UNC13D: variants seen among roughly 807,000 people sequenced by gnomAD.
The protein encoded by UNC13D is unc-13 homolog D.
In UNC13D, 115 loss-of-function variants were observed where a neutral mutation model predicts 151.7. The observed-to-expected ratio is 0.76, with a 90% confidence interval of 0.65 to 0.88. The LOEUF (loss-of-function observed/expected upper bound fraction) is 0.88. Ranked by LOEUF, UNC13D falls within the 40% of genes least tolerant of loss-of-function variation. The pLI is 0.00. For synonymous variants in UNC13D, 588 were observed against 612.2 expected (o/e 0.96, Z 0.58); for missense variants, 1,369 against 1,438.7 (o/e 0.95, Z 0.78).
chr17:75,841,215 A>C, intron 6 of UNC13D: 1 of 530,940 alleles, frequency 1.9e-6, no homozygotes. Flanking sequence ...GCAGGATCTA[A>C]CTCACTGCAA....
In UNC13D at chr17:75,844,363, C is replaced by CCGCT; in HGVS notation, c.-30_-27dup. On this transcript the variant is annotated 5_prime_UTR_variant, in exon 1 of 32. Transcript: ENST00000207549. The stretch of plus-strand genomic sequence containing the variant: ...GGTGGCCTTCTCTGCCCTTCCCTGT[C>CCGCT]CGCTGGTGCTGGGTGAAGACAGCGA... 1 of 1,593,120 alleles carries CCGCT rather than the reference C, an allele frequency of 6.3e-7. No individual in the cohort carries two copies. Among genetic ancestry groups the CCGCT allele is most frequent in the Non-Finnish European group, 8.5e-7 (1 of 1,170,702 alleles).
rs1435948989 is a variant in UNC13D, at chr17:75,828,791, G to A, written c.3147C>T (p.Pro1049=). The change falls in exon 31 of 32, where the codon CCC becomes CCT. Residue 1049 remains proline, a synonymous_variant. Transcript: ENST00000207549. ...QTRLPLTYPA[P]NGDPILQLLE... The stretch of plus-strand genomic sequence containing the variant: ...CTGCCCTGGGCTCAGGCCTACCGTT[G>A]GGTGCGGGGTACGTGAGGGGCAGGC... 1 of 1,540,202 alleles carries A rather than the reference G, an allele frequency of 6.5e-7. No homozygotes were observed. Among genetic ancestry groups the A allele is most frequent in the Non-Finnish European group, 8.7e-7 (1 of 1,143,244 alleles).
In UNC13D at chr17:75,836,604, C is replaced by A. The variant is rs749317896; in HGVS notation, c.1266G>T (p.Ser422=). The stretch of plus-strand genomic sequence containing the variant: ...GAGACTGCAGCCGGGCTGGGGAGTC[C>A]GAGACAGAGAGGGGGAAGACAGAGC... ...RFRSVFPLSV[S]DSPARLQSLL... is the part of the protein sequence containing the mutation. The change falls in exon 14 of 32, where the codon TCG becomes TCT. Residue 422 remains serine (S), a synonymous_variant. Transcript: ENST00000207549. The A allele has an allele frequency of 6.2e-7, 1 of 1,613,592 alleles. No individual in the cohort carries two copies. The highest frequency in any genetic ancestry group is 8.5e-7 in the Non-Finnish European group (1 of 1,180,014).
Position 75,842,065 on chromosome 17 carries a change from G to C in UNC13D, c.569+368C>G, listed in dbSNP as rs536012035. Among the ~76,000 whole-genome samples the C allele has an allele frequency of 2.6e-5, 4 of 152,162 alleles. No homozygotes were observed. The South Asian group carries it at 8.3e-4, about 32-fold the overall frequency. Reference sequence around the variant, plus strand: ...CCCGGCCTTTTTTGTATTTTTAGTAGAGATGGGGTTTTGCCATGTTGGCCA... The same window carrying C: ...CCCGGCCTTTTTTGTATTTTTAGTACAGATGGGGTTTTGCCATGTTGGCCA... On this transcript the variant is annotated intron_variant, in intron 6 of 31. Transcript: ENST00000207549.
At position 75,835,473 on chromosome 17, in the gene UNC13D, G is replaced by A. The variant is rs745649931; in HGVS notation, c.1784C>T (p.Ser595Phe). Residue 595 changes from serine (S) to phenylalanine (F), a missense_variant, in exon 20 of 32, where the codon TCC (serine) becomes TTC (phenylalanine). Ser to Phe is a radical substitution (Grantham distance 155). This residue lies in a region of UNC13D where 807 missense variants were observed against 795.5 expected (regional missense o/e 1.01). Coordinates refer to ENST00000207549, the MANE Select transcript of UNC13D (RefSeq NM_199242.3). ...CTCGTTGTACGTCTTCTGCAGCCAGGAGGGGATGGCCGGCTGGAACCAGCG... is the reference window on the plus strand; with the variant it reads ...CTCGTTGTACGTCTTCTGCAGCCAGAAGGGGATGGCCGGCTGGAACCAGCG... The part of the protein sequence containing the change: ...FHRWFQPAIP[S>F]WLQKTYNEAL... The A allele has an allele frequency of 5.6e-6, 9 of 1,612,706 alleles. No homozygotes were observed. Among genetic ancestry groups the A allele is most frequent in the Non-Finnish European group, 7.6e-6 (9 of 1,179,606 alleles).
chr17:75,832,675 A>G lies in UNC13D; in HGVS notation c.2447+291T>C. On this transcript the variant is annotated intron_variant, in intron 25 of 31. Coordinates refer to ENST00000207549, the MANE Select transcript of UNC13D (RefSeq NM_199242.3). This position sits in a 1 kb window ranked among gnomAD's most constrained non-coding sequence, Gnocchi z 4.3. ...GAACTCAAAGCACTCAGAGCTAGGC[A>G]GCAGGAAATGGGGAGGCCTGAGAAG... The G allele has an allele frequency of 2.7e-6, 1 of 369,214 alleles. No homozygotes were observed. The highest frequency in any genetic ancestry group is 3.0e-5 in the South Asian group (1 of 33,176). The allele number at this position is 369,214 out of a possible 1,614,324, so 22.9% of individuals were successfully genotyped here.
chr17:75,830,436 G>A lies in UNC13D; in HGVS notation c.2756C>T (p.Ser919Phe), dbSNP rs748410297. ...EELGAVTVKA[S>F]YRASEQKLRV... ...CAGCTTCTGCTCAGAGGCGCGGTAG[G>A]AGGCCTTGACTGTCACAGCCCCCAG... Residue 919 changes from serine (S) to phenylalanine (F), a missense_variant, in exon 29 of 32, where the codon TCC (serine) becomes TTC (phenylalanine). This residue lies in a region of UNC13D where 807 missense variants were observed against 795.5 expected (regional missense o/e 1.01). Transcript: ENST00000207549. 7.6e-6 allele frequency: 12 copies of A among 1,586,210 alleles called. No individual in the cohort carries two copies. The East Asian group carries it at 1.8e-4, about 24-fold the overall frequency.
Position 75,830,630 on chromosome 17 carries a change from G to A in UNC13D, c.2657C>T (p.Ala886Val), listed in dbSNP as rs2064865405. The A allele has an allele frequency of 6.4e-7, 1 of 1,555,940 alleles. No homozygotes were observed. Among genetic ancestry groups the A allele is most frequent in the Non-Finnish European group, 8.7e-7 (1 of 1,150,108 alleles). Reference protein sequence around the residue: ...ALQRDLELQAASSRELIRKYF... With the variant: ...ALQRDLELQAVSSRELIRKYF... Reference sequence around the variant, plus strand: ...CTTCCGGATGAGTTCCCGGCTGGAGGCCGCCTGCAGCTCCAGGTCCCTCTG... The same window carrying A: ...CTTCCGGATGAGTTCCCGGCTGGAGACCGCCTGCAGCTCCAGGTCCCTCTG... The change falls in exon 28 of 32, where the codon GCC becomes GTC. Residue 886 changes from alanine (A) to valine (V), a missense_variant. Physicochemically the swap from Ala to Val is moderately conservative, Grantham distance 64. Transcript: ENST00000207549.
chr17:75,840,167 C>T lies in UNC13D; in HGVS notation c.859-57G>A. 1 of 1,611,872 alleles carries T rather than the reference C, an allele frequency of 6.2e-7. No homozygotes were observed. The highest frequency in any genetic ancestry group is 8.5e-7 in the Non-Finnish European group (1 of 1,178,868). On this transcript the variant is annotated intron_variant, in intron 10 of 31. Coordinates refer to ENST00000207549, the MANE Select transcript of UNC13D (RefSeq NM_199242.3). The surrounding 1 kb of genome is among the most constrained non-coding windows in gnomAD (Gnocchi z 4.6). ...CTCACACTGGGTGCAGCCAGCCCCG[C>T]AACCCAGCAGACCGCCGCAAGAGCT...
chr17:75,840,613 A>G lies in UNC13D; in HGVS notation c.684-37T>C. 3.1e-6 allele frequency: 5 copies of G among 1,613,690 alleles called. No homozygotes were observed. The highest frequency in any genetic ancestry group is 4.2e-6 in the Non-Finnish European group (5 of 1,179,826). On this transcript the variant is annotated intron_variant, in intron 8 of 31. Transcript: ENST00000207549. The surrounding 1 kb of genome is among the most constrained non-coding windows in gnomAD (Gnocchi z 4.6). Reference sequence around the variant, plus strand: ...AGGGTCCCATAAGGGGGACGCAGCAAGGGTCGGAAGGGATTAGGCTGGAAT... The same window carrying G: ...AGGGTCCCATAAGGGGGACGCAGCAGGGGTCGGAAGGGATTAGGCTGGAAT...
In UNC13D at chr17:75,827,506, G is replaced by A. The variant is rs2143857159; in HGVS notation, c.*459C>T. 1 of 1,527,218 alleles carries A rather than the reference G, an allele frequency of 6.5e-7. No individual in the cohort carries two copies. The allele number at this position is 1,527,218 out of a possible 1,614,324, so 94.6% of individuals were successfully genotyped here. A position where few individuals can be genotyped will look rare whatever the true frequency, so the allele number is the denominator to read the frequency against. Reference sequence around the variant, plus strand: ...CACCACCCTCCCCCCAGGGCAGCTGGAGCCTCATCTTTGGCAGGGTCCCCT... The same window carrying A: ...CACCACCCTCCCCCCAGGGCAGCTGAAGCCTCATCTTTGGCAGGGTCCCCT... On this transcript the variant is annotated 3_prime_UTR_variant, in exon 32 of 32. Transcript: ENST00000207549.
intron 12 of UNC13D, among the ~76,000 whole-genome samples, chr17:75,838,848 C>T (rs1438432287): frequency 6.6e-6 from 1 of 152,222 alleles, no homozygotes; most frequent in African/African-American, 2.4e-5. Flanking sequence ...CGCCTATAAT[C>T]CCAGCACTTT....
chr17:75,839,444 C>A (rs575905775), intron 12 of UNC13D, among the ~76,000 whole-genome samples: 2 of 151,136 alleles, frequency 1.3e-5, no homozygotes, highest in African/African-American at 2.4e-5. Flanking sequence ...GATGACCCTG[C>A]AGTTCCAGCA....
Position 75,841,020 on chromosome 17 carries a change from G to T in UNC13D, c.570-19C>A. ...AAACTCCCTGTATGGAGAAAAGGGCGTGGTTGAGGGCCCTGGAGGGTGGAT... is the reference window on the plus strand; with the variant it reads ...AAACTCCCTGTATGGAGAAAAGGGCTTGGTTGAGGGCCCTGGAGGGTGGAT... On this transcript the variant is annotated intron_variant, in intron 6 of 31. Transcript: ENST00000207549. 6.2e-7 allele frequency: 1 copy of T among 1,614,022 alleles called. No homozygotes were observed. Among genetic ancestry groups the T allele is most frequent in the Non-Finnish European group, 8.5e-7 (1 of 1,180,010 alleles).
At chr17:75,842,963 C>T (rs1268901789) in intron 4 of UNC13D, 40 bp from the exon 5 acceptor site, 2 of 1,612,994 alleles carry the variant, frequency 1.2e-6, no homozygotes, top group Non-Finnish European at 1.7e-6. Context: ...CCTGAGGGGG[C>T]TGGGCTTCCC....
At chr17:75,843,754 G>A in intron 1 of UNC13D, 12 of 1,419,330 alleles carry the variant, frequency 8.5e-6, no homozygotes, top group Non-Finnish European at 1.0e-5. Context: ...CTCCGCACCC[G>A]CACCCCACCT....
At position 75,843,082 on chromosome 17, in the gene UNC13D, G is replaced by A. The variant is rs1002403982; in HGVS notation, c.262-9C>T. ...GGCTCCACGTGGAAGGCCTGGTGGG[G>A]AGGCAGGCGGGTGGGTGGCTGGGGG... On this transcript the variant is annotated splice_polypyrimidine_tract_variant and intron_variant, in intron 3 of 31. Coordinates refer to ENST00000207549, the MANE Select transcript of UNC13D (RefSeq NM_199242.3). 6.2e-7 allele frequency: 1 copy of A among 1,602,528 alleles called. No homozygotes were observed. Among genetic ancestry groups the A allele is most frequent in the African/African-American group, 1.3e-5 (1 of 74,538 alleles).
chr17:75,834,897 A>C (rs965661031), intron 21 of UNC13D, 23 bp downstream of exon 21: 2 of 1,613,654 alleles, frequency 1.2e-6, no homozygotes, highest in African/African-American at 2.7e-5. Flanking sequence ...AAGAGGGGGA[A>C]GGACACGTGG....
In UNC13D at chr17:75,827,817, GTCTGCAC is replaced by G; in HGVS notation, c.*141_*147del. 6.7e-7 allele frequency: 1 copy of G among 1,494,486 alleles called. No individual in the cohort carries two copies. Among genetic ancestry groups the G allele is most frequent in the Non-Finnish European group, 8.9e-7 (1 of 1,122,104 alleles). The allele number at this position is 1,494,486 out of a possible 1,614,324, so 92.6% of individuals were successfully genotyped here. Reference sequence around the variant, plus strand: ...CCCATCACCATGGGAGGCAGGGGAGGTCTGCACTCTGGGCACTCCGCATGCTGGGGCT... The same window carrying G: ...CCCATCACCATGGGAGGCAGGGGAGGTCTGGGCACTCCGCATGCTGGGGCT... On this transcript the variant is annotated 3_prime_UTR_variant, in exon 32 of 32. Transcript: ENST00000207549.
Sources: allele counts gnomAD v4.1 joint callset (sites outside exome capture counted in the v4.1 genomes callset), GRCh38; gene constraint gnomAD v4.1.1; regional missense constraint gnomAD v4.1.1; non-coding constraint Gnocchi (gnomAD v3.1); transcripts MANE v1.5; gene names NCBI Gene and HGNC (gene_info 2026-07-23, HGNC 2026-07-21).